The following CCDC62 variants were observed in gnomAD, a reference collection of about 807,000 sequenced individuals.
CCDC62 encodes the protein coiled-coil domain containing 62.
A neutral mutation model predicts 80.8 loss-of-function variants in CCDC62; 72 were observed. That is an observed-to-expected ratio of 0.89 (90% CI 0.74 to 1.08). CCDC62 has a LOEUF of 1.08. CCDC62 is among the 50% of genes least tolerant of loss of function. CCDC62 has a pLI of 0.00. For missense variants in CCDC62, 704 were observed against 809.4 expected, an observed-to-expected ratio of 0.87 and a Z score of 1.58; for synonymous variants, 286 against 296.5, an observed-to-expected ratio of 0.96 and a Z score of 0.36.
intron 11 of CCDC62, among the ~76,000 whole-genome samples, chr12:122,814,546 G>A (rs1416134836): frequency 1.7e-5 from 2 of 117,086 alleles, no homozygotes; most frequent in African/African-American, 6.5e-5. Context: ...TGCTCTTGTT[G>A]CCCAGGCTGG....
chr12:122,803,114 A>C (rs2031400444), intron 9 of CCDC62, among the ~76,000 whole-genome samples: 1 of 152,078 alleles, frequency 6.6e-6, no homozygotes, highest in African/African-American at 2.4e-5. Flanking sequence ...TCCTGGGCTT[A>C]AGCAATCTTT....
At chr12:122,785,129 G>A (rs1313451621) in intron 3 of CCDC62, among the ~76,000 whole-genome samples, 1 of 152,132 alleles carries the variant, frequency 6.6e-6, no homozygotes, top group Admixed American at 6.6e-5. Flanking sequence ...GCGACAGAGT[G>A]AGACTCAGTC....
intron 9 of CCDC62, among the ~76,000 whole-genome samples, chr12:122,802,654 T>C (rs1593810273): frequency 6.6e-6 from 1 of 151,368 alleles, no homozygotes; most frequent in Non-Finnish European, 1.5e-5. Flanking sequence ...CTTCCAGTGG[T>C]CCACCCACCT....
Position 122,781,204 on chromosome 12 carries a change from G to A in CCDC62, c.270G>A (p.Thr90=), listed in dbSNP as rs748722684. The A allele has an allele frequency of 1.7e-5, 28 of 1,613,866 alleles. No individual in the cohort carries two copies. The highest frequency in any genetic ancestry group is 1.1e-4 in the African/African-American group (8 of 74,902). The stretch of plus-strand genomic sequence containing the variant: ...GAACTGAAATAATCAGGTCACTCAC[G>A]AAGAAGGTAAAAGCTCTTGAATCCA... ...HKRTEIIRSL[T]KKVKALESNQ... The change falls in exon 3 of 13, where the codon ACG becomes ACA. Residue 90 remains threonine, a synonymous_variant. Transcript: ENST00000253079.
chr12:122,820,833 T>C (rs1184867210), intron 11 of CCDC62, among the ~76,000 whole-genome samples: 12 of 65,898 alleles, frequency 1.8e-4, no homozygotes, highest in Admixed American at 4.0e-4. Flanking sequence ...AGAGCAAGAC[T>C]CTGTCTCAAA....
In CCDC62 at chr12:122,777,652, G is replaced by T. The variant is rs751270104; in HGVS notation, c.198G>T (p.Leu66Phe). The T allele has an allele frequency of 1.2e-6, 2 of 1,614,098 alleles. No individual in the cohort carries two copies. The highest frequency in any genetic ancestry group is 1.7e-6 in the Non-Finnish European group (2 of 1,179,996). ...LSWEEDRQKV[L>F]TLEERCSKLE... Reference sequence around the variant, plus strand: ...GGGAAGAGGATCGGCAGAAAGTGTTGACACTGGAAGAACGTTGCAGCAAAT... The same window carrying T: ...GGGAAGAGGATCGGCAGAAAGTGTTTACACTGGAAGAACGTTGCAGCAAAT... The change falls in exon 2 of 13, where the codon TTG (leucine) becomes TTT (phenylalanine). Residue 66 changes from leucine to phenylalanine, a missense_variant. By Grantham distance (22) the Leu-to-Phe change is conservative. Coordinates refer to ENST00000253079, the MANE Select transcript of CCDC62 (RefSeq NM_201435.5).
intron 10 of CCDC62, among the ~76,000 whole-genome samples, chr12:122,810,299 C>T (rs2135575080): frequency 6.6e-6 from 1 of 152,260 alleles, no homozygotes; most frequent in East Asian, 1.9e-4. Flanking sequence ...CCAGAATCTA[C>T]AATGAACTCC....
chr12:122,792,992 G>A (rs1296946348), intron 6 of CCDC62, among the ~76,000 whole-genome samples: 1 of 152,092 alleles, frequency 6.6e-6, no homozygotes, highest in African/African-American at 2.4e-5. Context: ...GATGCTCCTT[G>A]ACTTACAGGG....
intron 11 of CCDC62, among the ~76,000 whole-genome samples, chr12:122,819,976 T>C (rs1420752156): frequency 1.4e-5 from 2 of 146,720 alleles, no homozygotes; most frequent in African/African-American, 5.1e-5. Flanking sequence ...ACAGGAGGAT[T>C]GCTTGAGCCC....
At chr12:122,791,543 G>T (rs1358586234) in intron 5 of CCDC62, among the ~76,000 whole-genome samples, 2 of 151,102 alleles carry the variant, frequency 1.3e-5, no homozygotes, top group Non-Finnish European at 2.9e-5. Context: ...CTGCCACCTG[G>T]ATTCAAGCGA....
At chr12:122,787,200 C>T (rs1439640986) in intron 4 of CCDC62, among the ~76,000 whole-genome samples, 1 of 152,160 alleles carries the variant, frequency 6.6e-6, no homozygotes, top group Admixed American at 6.6e-5. Context: ...ATAATCCCAG[C>T]ACTTTGGGAA....
At chr12:122,814,300 A>G (rs1316360271) in intron 11 of CCDC62, among the ~76,000 whole-genome samples, 2 of 21,912 alleles carry the variant, frequency 9.1e-5, no homozygotes, top group Admixed American at 8.3e-4. Flanking sequence ...AAAAAAAAAA[A>G]AGAGAGAGAG....
At chr12:122,804,018 G>C (rs1442507870) in intron 9 of CCDC62, among the ~76,000 whole-genome samples, 1 of 152,192 alleles carries the variant, frequency 6.6e-6, no homozygotes, top group Non-Finnish European at 1.5e-5. Context: ...ACAAATATGT[G>C]ATTAAGTAGA....
chr12:122,778,688 C>A (rs1278443879), intron 2 of CCDC62, among the ~76,000 whole-genome samples: 5 of 152,010 alleles, frequency 3.3e-5, no homozygotes, highest in African/African-American at 1.2e-4. Context: ...AATACCAGCC[C>A]AGCCAACATG....
chr12:122,777,960 A>C (rs1172986609), intron 2 of CCDC62, among the ~76,000 whole-genome samples: 2 of 152,188 alleles, frequency 1.3e-5, no homozygotes, highest in African/African-American at 4.8e-5. Flanking sequence ...TTTGAGCAAG[A>C]GTATGAATGA....
intron 4 of CCDC62, 40 bp downstream of exon 4, chr12:122,785,860 T>TG (rs762296180): frequency 7.6e-7 from 1 of 1,308,456 alleles, no homozygotes; most frequent in Admixed American, 1.7e-5. Flanking sequence ...CCAGAGTGCT[T>TG]GGTAGTTATA....
At chr12:122,803,663 T>C (rs2031430974) in intron 9 of CCDC62, among the ~76,000 whole-genome samples, 2 of 152,228 alleles carry the variant, frequency 1.3e-5, no homozygotes, top group Admixed American at 1.3e-4. Context: ...ACTTGAATTG[T>C]TTAAAAGTCA....
chr12:122,793,177 A>G (rs1387483041), intron 6 of CCDC62, among the ~76,000 whole-genome samples: 1 of 152,200 alleles, frequency 6.6e-6, no homozygotes, highest in Admixed American at 6.5e-5. Context: ...TGAATATATC[A>G]TGTAATTTAC....
chr12:122,803,581 C>T (rs1296464173), intron 9 of CCDC62, among the ~76,000 whole-genome samples: 1 of 152,122 alleles, frequency 6.6e-6, no homozygotes. Context: ...ATTTCTAGTG[C>T]TTAATTATTT....
Sources: gnomAD v4.1 joint callset for allele counts (sites outside exome capture counted in the v4.1 genomes callset) on GRCh38, gnomAD v4.1.1 for gene constraint, MANE v1.5 for transcripts, NCBI Gene and HGNC (gene_info 2026-07-23, HGNC 2026-07-21) for gene names.